ZMIZ2: variants seen among roughly 807,000 people sequenced by gnomAD.
The protein encoded by ZMIZ2 is zinc finger MIZ domain-containing protein 2.
A neutral mutation model predicts 93.9 loss-of-function variants in ZMIZ2; 26 were observed. The observed-to-expected ratio is 0.28, with a 90% CI of 0.20 to 0.38. The LOEUF is 0.38. ZMIZ2 is among the 10% of genes least tolerant of loss of function. ZMIZ2 has a pLI of 1.00. For synonymous variants in ZMIZ2, 485 were observed against 516.4 expected (o/e 0.94, Z 0.82); for missense variants, 1,023 against 1,235.0 (o/e 0.83, Z 2.57).
chr7:44,757,365 G>T lies in ZMIZ2; in HGVS notation c.369-13G>T, dbSNP rs1428735432. On this transcript the variant is annotated splice_polypyrimidine_tract_variant and intron_variant, in intron 4 of 18. Transcript: ENST00000309315. ...CCCACGCAGAGAGCGTGGCAATCCT[G>T]TGTCTCCTGCAGGTATGCAGGCGGC... 1 of 1,596,012 alleles carries T rather than the reference G, an allele frequency of 6.3e-7. No individual in the cohort carries two copies. The highest frequency in any genetic ancestry group is 1.1e-5 in the South Asian group (1 of 90,924).
rs1267525486 is a variant in ZMIZ2 at position 44,760,704 on chromosome 7, C to T, written c.1240+111C>T. 9 of 1,364,074 alleles carry T rather than the reference C, an allele frequency of 6.6e-6. No homozygotes were observed. The African/African-American group carries it at 1.0e-4, about 15-fold the overall frequency. The allele number at this position is 1,364,074 out of a possible 1,614,324, so 84.5% of individuals were successfully genotyped here. A position where few individuals can be genotyped will look rare whatever the true frequency, so the allele number is the denominator to read the frequency against. ...AGCTTGGGGGACAGGGGATGGCTGC[C>T]ATATCCCTAAGAAAAGGGCTGGGTG... On this transcript the variant is annotated intron_variant, in intron 9 of 18. Coordinates refer to ENST00000309315, the MANE Select transcript of ZMIZ2 (RefSeq NM_031449.4).
In ZMIZ2 at chr7:44,765,748, A is replaced by C; in HGVS notation, c.2242+169A>C. The C allele has an allele frequency of 8.9e-7, 1 of 1,128,040 alleles. No individual in the cohort carries two copies. The highest frequency in any genetic ancestry group is 1.2e-6 in the Non-Finnish European group (1 of 816,572). The allele number at this position is 1,128,040 out of a possible 1,614,324, so 69.9% of individuals were successfully genotyped here. Reference sequence around the variant, plus strand: ...GGGCACCTCCAGCCCCTCCCATCTCAGGGACGTGGCGGTGAAGGCACAGTC... The same window carrying C: ...GGGCACCTCCAGCCCCTCCCATCTCCGGGACGTGGCGGTGAAGGCACAGTC... On this transcript the variant is annotated intron_variant, in intron 16 of 18. Transcript: ENST00000309315. The surrounding 1 kb of genome is among the most constrained non-coding windows in gnomAD (Gnocchi z 4.1).
At chr7:44,755,338 G>T (rs547786884) in intron 1 of ZMIZ2, among the ~76,000 whole-genome samples, 7 of 152,096 alleles carry the variant, frequency 4.6e-5, no homozygotes, top group African/African-American at 1.7e-4. Context: ...CTATTGTGCT[G>T]TGTGTCCCTG....
chr7:44,751,641 T>C (rs1204082455), intron 1 of ZMIZ2, among the ~76,000 whole-genome samples: 1 of 152,258 alleles, frequency 6.6e-6, no homozygotes, highest in Non-Finnish European at 1.5e-5. Flanking sequence ...GTAGCAGTTG[T>C]ATTGTAATTA....
Position 44,761,414 on chromosome 7 carries a change from C to T in ZMIZ2, c.1241-35C>T, listed in dbSNP as rs1791165687. ...GTGACACAAGACGCTCTGGCTGGGGCAACCCAGCTCACAGCCAGTGGCCTC... is the reference window on the plus strand; with the variant it reads ...GTGACACAAGACGCTCTGGCTGGGGTAACCCAGCTCACAGCCAGTGGCCTC... On this transcript the variant is annotated intron_variant, in intron 9 of 18. Coordinates refer to ENST00000309315, the MANE Select transcript of ZMIZ2 (RefSeq NM_031449.4). The surrounding 1 kb of genome is among the most constrained non-coding windows in gnomAD (Gnocchi z 5.8). The T allele has an allele frequency of 1.2e-6, 2 of 1,604,768 alleles. No individual in the cohort carries two copies. The highest frequency in any genetic ancestry group is 1.7e-6 in the Non-Finnish European group (2 of 1,177,810).
rs927454228 is a variant in ZMIZ2 at position 44,763,059 on chromosome 7, T to C, written c.1702+73T>C. 7.0e-5 allele frequency: 105 copies of C among 1,506,414 alleles called. No homozygotes were observed. The highest frequency in any genetic ancestry group is 1.8e-4 in the Admixed American group (10 of 54,746). The allele number at this position is 1,506,414 out of a possible 1,614,324, so 93.3% of individuals were successfully genotyped here. A position where few individuals can be genotyped will look rare whatever the true frequency, so the allele number is the denominator to read the frequency against. On this transcript the variant is annotated intron_variant, in intron 12 of 18. Transcript: ENST00000309315. This position sits in a 1 kb window ranked among gnomAD's most constrained non-coding sequence, Gnocchi z 5.6. The stretch of plus-strand genomic sequence containing the variant: ...TGTGGCCCAAGCCCAACAATCCTCC[T>C]TGTGGGCACCTCCTCGTGTCACACC...
intron 1 of ZMIZ2, 119 bp from the exon 2 acceptor site, chr7:44,756,069 A>T: frequency 1.3e-6 from 1 of 764,682 alleles, no homozygotes. Flanking sequence ...CTGCCATCAG[A>T]GCCCAGGGGT....
In ZMIZ2 at chr7:44,765,556, C is replaced by T; in HGVS notation, c.2219C>T (p.Ala740Val). 4 of 1,277,564 alleles carry T rather than the reference C, an allele frequency of 3.1e-6. No homozygotes were observed. Among genetic ancestry groups the T allele is most frequent in the East Asian group, 4.8e-5 (1 of 21,026 alleles). The allele number at this position is 1,277,564 out of a possible 1,614,324, so 79.1% of individuals were successfully genotyped here. A position where few individuals can be genotyped will look rare whatever the true frequency, so the allele number is the denominator to read the frequency against. ...CCCCTGCAGCCCCCCTCAGTCCCTGCCCCCAGCGACTACCCTGGCCAGGGT... is the reference window on the plus strand; with the variant it reads ...CCCCTGCAGCCCCCCTCAGTCCCTGTCCCCAGCGACTACCCTGGCCAGGGT... ...FAPLQPPSVP[A>V]PSDYPGQGSS... Residue 740 changes from alanine to valine, a missense_variant, in exon 16 of 19, where the codon GCC becomes GTC. Ala to Val is a moderately conservative substitution (Grantham distance 64). Around this residue, in one of 3 missense-constraint regions of ZMIZ2, gnomAD observed 319 missense variants for 358.8 expected, o/e 0.89. Transcript: ENST00000309315. The surrounding 1 kb of genome is among the most constrained non-coding windows in gnomAD (Gnocchi z 4.1).
In ZMIZ2 at chr7:44,767,940, A is replaced by C; in HGVS notation, c.*317A>C. 2.3e-6 allele frequency: 1 copy of C among 426,236 alleles called. No individual in the cohort carries two copies. The highest frequency in any genetic ancestry group is 2.2e-5 in the South Asian group (1 of 45,430). The allele number at this position is 426,236 out of a possible 1,614,324, so 26.4% of individuals were successfully genotyped here. A position where few individuals can be genotyped will look rare whatever the true frequency, so the allele number is the denominator to read the frequency against. ...ACACACATCTCACGCCCCTGGTCTC[A>C]CAGCCTCACACCTTGTCCTTCCACC... On this transcript the variant is annotated 3_prime_UTR_variant, in exon 19 of 19. Coordinates refer to ENST00000309315, the MANE Select transcript of ZMIZ2 (RefSeq NM_031449.4).
chr7:44,754,659 C>G (rs749191565), intron 1 of ZMIZ2, among the ~76,000 whole-genome samples: 17 of 152,312 alleles, frequency 1.1e-4, no homozygotes, highest in Non-Finnish European at 2.4e-4. Flanking sequence ...AAATGGCAGC[C>G]TAGATGAATG....
At chr7:44,764,575 T>TA (rs2116873100) in intron 14 of ZMIZ2, 89 bp downstream of exon 14, 2 of 1,433,800 alleles carry the variant, frequency 1.4e-6, no homozygotes, top group Non-Finnish European at 1.9e-6. Context: ...TCATCAAAGA[T>TA]ACGAGCCTGC....
chr7:44,766,768 GC>G lies in ZMIZ2; in HGVS notation c.2655+107del. 2.0e-6 allele frequency: 3 copies of G among 1,532,686 alleles called. No individual in the cohort carries two copies. The highest frequency in any genetic ancestry group is 2.6e-6 in the Non-Finnish European group (3 of 1,136,206). 94.9% of individuals were successfully genotyped at this position (1,532,686 alleles called of 1,614,324 possible). A position where few individuals can be genotyped will look rare whatever the true frequency, so the allele number is the denominator to read the frequency against. Reference sequence around the variant, plus strand: ...AGGGAAGACAGTGACCCCTCAGAGAGCCGGTCAGATAAGGTCAACTAAATGC... The same window carrying G: ...AGGGAAGACAGTGACCCCTCAGAGAGCGGTCAGATAAGGTCAACTAAATGC... On this transcript the variant is annotated intron_variant, in intron 18 of 18. Coordinates refer to ENST00000309315, the MANE Select transcript of ZMIZ2 (RefSeq NM_031449.4). The surrounding 1 kb of genome is among the most constrained non-coding windows in gnomAD (Gnocchi z 4.4).
Position 44,766,139 on chromosome 7 carries a change from C to G in ZMIZ2, c.2243-25C>G, listed in dbSNP as rs780840311. On this transcript the variant is annotated intron_variant, in intron 16 of 18. Coordinates refer to ENST00000309315, the MANE Select transcript of ZMIZ2 (RefSeq NM_031449.4). This position sits in a 1 kb window ranked among gnomAD's most constrained non-coding sequence, Gnocchi z 4.4. ...AGCGGTGGCCTTCCCCAGCCCTCAC[C>G]CAGGCCCCGACTCTCCTCTCACAGG... 6.3e-7 allele frequency: 1 copy of G among 1,592,196 alleles called. No individual in the cohort carries two copies. The highest frequency in any genetic ancestry group is 2.2e-5 in the East Asian group (1 of 44,750).
chr7:44,752,498 G>C (rs1380845243), intron 1 of ZMIZ2, among the ~76,000 whole-genome samples: 2 of 152,150 alleles, frequency 1.3e-5, no homozygotes, highest in African/African-American at 4.8e-5. Flanking sequence ...CAGAAATGGA[G>C]AAGAGATTAG....
At position 44,768,723 on chromosome 7, in the gene ZMIZ2, G is replaced by A. The variant is rs773698811; in HGVS notation, c.*1100G>A. 8.5e-5 allele frequency: 13 copies of A among 152,182 alleles called. No individual in the cohort carries two copies. The highest frequency in any genetic ancestry group is 3.9e-4 in the Admixed American group (6 of 15,272). 9.4% of individuals were successfully genotyped at this position (152,182 alleles called of 1,614,324 possible). A position where few individuals can be genotyped will look rare whatever the true frequency, so the allele number is the denominator to read the frequency against. ...GCCGAGTCCCTCCTTTGTGCTCCCAGGGACTATTTTCTCCTCGTAAGCCAG... is the reference window on the plus strand; with the variant it reads ...GCCGAGTCCCTCCTTTGTGCTCCCAAGGACTATTTTCTCCTCGTAAGCCAG... On this transcript the variant is annotated 3_prime_UTR_variant, in exon 19 of 19. Transcript: ENST00000309315.
chr7:44,763,565 G>T lies in ZMIZ2; in HGVS notation c.1860+152G>T, dbSNP rs1791411213. 3 of 1,066,962 alleles carry T rather than the reference G, an allele frequency of 2.8e-6. No individual in the cohort carries two copies. The highest frequency in any genetic ancestry group is 4.0e-6 in the Non-Finnish European group (3 of 753,562). The allele number at this position is 1,066,962 out of a possible 1,614,324, so 66.1% of individuals were successfully genotyped here. ...GCCTCCCACGCCAAGGAGGCAGGTG[G>T]GCCTGGCTCCCCCAAGACTAGGCTA... is the stretch of plus-strand genomic sequence containing the variant. On this transcript the variant is annotated intron_variant, in intron 13 of 18. Transcript: ENST00000309315. This position sits in a 1 kb window ranked among gnomAD's most constrained non-coding sequence, Gnocchi z 5.6.
chr7:44,762,063 AC>A, intron 11 of ZMIZ2, 158 bp downstream of exon 11: 1 of 998,386 alleles, frequency 1.0e-6, no homozygotes, highest in African/African-American at 1.7e-5. Flanking sequence ...GGCCTGCAGC[AC>A]CATCAGATCA....
intron 1 of ZMIZ2, among the ~76,000 whole-genome samples, chr7:44,751,628 GTGGTAGCAGTTGTAT>G (rs1385184763): frequency 6.6e-6 from 1 of 152,262 alleles, no homozygotes; most frequent in African/African-American, 2.4e-5. Context: ...CAGAAGGCTG[GTGGTAGCAGTTGTAT>G]TGTAATTAAA....
chr7:44,752,387 C>A (rs556917348), intron 1 of ZMIZ2, among the ~76,000 whole-genome samples: 2 of 152,238 alleles, frequency 1.3e-5, no homozygotes, highest in East Asian at 3.9e-4. Flanking sequence ...AAATGATCTG[C>A]CCACTTCAGC....
Sources: allele counts gnomAD v4.1 joint callset (sites outside exome capture counted in the v4.1 genomes callset), GRCh38; gene constraint gnomAD v4.1.1; regional missense constraint gnomAD v4.1.1; non-coding constraint Gnocchi (gnomAD v3.1); transcripts MANE v1.5; gene names NCBI Gene and HGNC (gene_info 2026-07-23, HGNC 2026-07-21).